The following PCNX2 variants were observed in gnomAD, a reference collection of about 807,000 sequenced individuals.
The protein encoded by PCNX2 is pecanex-like protein 2.
PCNX2 carries 168 observed loss-of-function variants against 223.8 expected under a neutral mutation model. That is an observed-to-expected ratio of 0.75 (90% CI 0.66 to 0.85). PCNX2 has a LOEUF of 0.85. Ranked by LOEUF, PCNX2 falls within the 40% of genes least tolerant of loss-of-function variation. The pLI is 0.00. For missense variants in PCNX2, 2,507 were observed against 2,675.5 expected (o/e 0.94, Z 1.39); for synonymous variants, 1,006 against 1,052.6 (o/e 0.96, Z 0.86).
rs1319923728 is a variant in PCNX2 at position 233,259,217 on chromosome 1, T to C, written c.645A>G (p.Val215=). ...TGAGAGTTTCTGTGGCAACTGGTTT[T>C]ACAGGTATTACTGACTTGGTCGTGG... is the stretch of plus-strand genomic sequence containing the variant. ...LETTTKSVIP[V]KPVATETLIN... The change falls in exon 5 of 34, where the codon GTA becomes GTG. Residue 215 remains valine, a synonymous_variant. Transcript: ENST00000258229. 6 of 1,613,984 alleles carry C rather than the reference T, an allele frequency of 3.7e-6. No homozygotes were observed. The highest frequency in any genetic ancestry group is 3.3e-5 in the Admixed American group (2 of 60,018).
At chr1:233,051,110 C>T (rs774188170) in intron 25 of PCNX2, among the ~76,000 whole-genome samples, 12 of 151,986 alleles carry the variant, frequency 7.9e-5, no homozygotes, top group Non-Finnish European at 1.5e-4. Flanking sequence ...AAATGAAAAT[C>T]AAAACCACAA....
intron 9 of PCNX2, among the ~76,000 whole-genome samples, chr1:233,233,803 C>A (rs1658220223): frequency 6.6e-6 from 1 of 151,966 alleles, no homozygotes; most frequent in Non-Finnish European, 1.5e-5. Context: ...CTAGTCTCTT[C>A]TGAGAAATAG....
chr1:233,163,875 TC>T (rs1678643367), intron 17 of PCNX2, among the ~76,000 whole-genome samples: 1 of 152,172 alleles, frequency 6.6e-6, no homozygotes, highest in Non-Finnish European at 1.5e-5. Flanking sequence ...AACAGTTCAT[TC>T]CTTTTCATTG....
chr1:233,254,921 T>C (rs902546898), intron 5 of PCNX2, among the ~76,000 whole-genome samples: 2 of 152,190 alleles, frequency 1.3e-5, no homozygotes, highest in Admixed American at 1.3e-4. Context: ...AATTTTTCAA[T>C]AAGCATTTCT....
chr1:233,032,270 T>C (rs1671296382), intron 25 of PCNX2, among the ~76,000 whole-genome samples: 1 of 152,044 alleles, frequency 6.6e-6, no homozygotes, highest in Admixed American at 6.6e-5. Flanking sequence ...ACCTGGCTAA[T>C]TTTGTATTTT....
the PCNX2 span, among the ~76,000 whole-genome samples, chr1:233,305,557 C>A: frequency 3.3e-5 from 5 of 152,068 alleles, no homozygotes; most frequent in African/African-American, 1.2e-4. Flanking sequence ...TGATCCTCCC[C>A]CACTCAACCT....
At chr1:233,227,154 A>G in intron 10 of PCNX2, 72 bp downstream of exon 10, 1 of 1,453,976 alleles carries the variant, frequency 6.9e-7, no homozygotes. Flanking sequence ...GTTCTCTTTG[A>G]AAGCATGCAG....
chr1:233,009,716 C>T (rs1004960812), intron 28 of PCNX2, among the ~76,000 whole-genome samples: 9 of 152,132 alleles, frequency 5.9e-5, no homozygotes, highest in African/African-American at 2.2e-4. Flanking sequence ...GAGTCCATGT[C>T]ACTGGTTTGC....
At chr1:233,056,518 A>G (rs967295409) in intron 24 of PCNX2, among the ~76,000 whole-genome samples, 2 of 152,172 alleles carry the variant, frequency 1.3e-5, no homozygotes, top group African/African-American at 4.8e-5. Flanking sequence ...CTCCTCCCTC[A>G]TTGTACTGAC....
intron 1 of PCNX2, among the ~76,000 whole-genome samples, chr1:233,272,627 G>GCC (rs1324329583): frequency 6.6e-6 from 1 of 152,202 alleles, no homozygotes; most frequent in African/African-American, 2.4e-5. Context: ...ATTTGATCCA[G>GCC]CAGTCCCACT....
At chr1:233,228,066 G>T (rs1051468482) in intron 9 of PCNX2, among the ~76,000 whole-genome samples, 1 of 152,166 alleles carries the variant, frequency 6.6e-6, no homozygotes, top group African/African-American at 2.4e-5. Flanking sequence ...TTGGGAACAC[G>T]CAGTTTTCCA....
chr1:233,321,621 A>G, the PCNX2 span, among the ~76,000 whole-genome samples: 2 of 152,160 alleles, frequency 1.3e-5, no homozygotes, highest in Non-Finnish European at 2.9e-5. Flanking sequence ...TTAAAATGTC[A>G]TCATACTTGG....
intron 28 of PCNX2, among the ~76,000 whole-genome samples, chr1:233,013,455 A>G (rs1336303110): frequency 2.6e-5 from 4 of 151,878 alleles, no homozygotes; most frequent in Non-Finnish European, 4.4e-5. Context: ...CCCTTTCAAG[A>G]AGGACATTTG....
At chr1:233,261,924 G>A in intron 3 of PCNX2, 121 bp downstream of exon 3, 3 of 1,448,946 alleles carry the variant, frequency 2.1e-6, no homozygotes, top group Non-Finnish European at 2.9e-6. Flanking sequence ...ATATTCCACT[G>A]TACACGGGCC....
At chr1:233,091,732 CA>C (rs11335249) in intron 22 of PCNX2, among the ~76,000 whole-genome samples, 23,574 of 108,758 alleles carry the variant, frequency 0.22, 2,415 homozygotes, top group East Asian at 0.58. Flanking sequence ...GACCCTCCCT[CA>C]AAAAAAAAAA....
intron 17 of PCNX2, among the ~76,000 whole-genome samples, chr1:233,177,191 C>G (rs1425121878): frequency 1.3e-5 from 2 of 152,222 alleles, no homozygotes; most frequent in Non-Finnish European, 2.9e-5. Flanking sequence ...AATCAATGTA[C>G]TTTATGTTCT....
At chr1:233,093,117 A>G (rs1673973223) in intron 22 of PCNX2, among the ~76,000 whole-genome samples, 1 of 152,204 alleles carries the variant, frequency 6.6e-6, no homozygotes, top group African/African-American at 2.4e-5. Context: ...TCAATTATTA[A>G]CAGATTTTTA....
chr1:233,135,807 T>A (rs1473436689), intron 20 of PCNX2, among the ~76,000 whole-genome samples: 1 of 152,250 alleles, frequency 6.6e-6, no homozygotes, highest in Admixed American at 6.5e-5. Context: ...ACATAAGGTT[T>A]CTGCTCTCCC....
At chr1:233,097,970 G>T (rs970145637) in intron 21 of PCNX2, among the ~76,000 whole-genome samples, 2 of 152,140 alleles carry the variant, frequency 1.3e-5, no homozygotes, top group African/African-American at 2.4e-5. Flanking sequence ...CTGCACATGT[G>T]TACCTAATCA....
Sources: allele counts gnomAD v4.1 joint callset (sites outside exome capture counted in the v4.1 genomes callset), GRCh38; gene constraint gnomAD v4.1.1; transcripts MANE v1.5; gene names NCBI Gene and HGNC (gene_info 2026-07-23, HGNC 2026-07-21).